Variants in HVCN1 observed in about 807,000 individuals in gnomAD.
The protein encoded by HVCN1 is hydrogen voltage gated channel 1.
In HVCN1, 14 loss-of-function variants were observed where a neutral mutation model predicts 29.2. The ratio of observed to expected loss-of-function variants is 0.48; its 90% CI spans 0.32 to 0.75. The LOEUF is 0.75. Ranked by LOEUF, HVCN1 falls within the 30% of genes least tolerant of loss-of-function variation. The pLI is 0.04. For missense variants in HVCN1, 263 were observed against 341.8 expected (o/e 0.77, Z 1.82); for synonymous variants, 131 against 133.2 (o/e 0.98, Z 0.11).
At chr12:110,682,500 A>C (rs1387202679) in intron 3 of HVCN1, among the ~76,000 whole-genome samples, 1 of 152,146 alleles carries the variant, frequency 6.6e-6, no homozygotes, top group Non-Finnish European at 1.5e-5. Context: ...CACCTGGCCT[A>C]AAATCCCATT....
At chr12:110,659,202 A>C (rs1376232941) in intron 4 of HVCN1, among the ~76,000 whole-genome samples, 1 of 150,656 alleles carries the variant, frequency 6.6e-6, no homozygotes, top group Non-Finnish European at 1.5e-5. Context: ...GACCAAAATA[A>C]TTTTTTTTTT....
Position 110,658,562 on chromosome 12 carries a change from C to T in HVCN1, c.306+2602G>A, listed in dbSNP as rs2136283133. On this transcript the variant is annotated intron_variant, in intron 4 of 7. Coordinates refer to ENST00000242607, the MANE Select transcript of HVCN1 (RefSeq NM_032369.4). This position sits in a 1 kb window ranked among gnomAD's most constrained non-coding sequence, Gnocchi z 5.0. ...GAAGCCCCTCTACCTGGAAGCCTCC[C>T]ACGCCATCCACCCATCGGGCTCACT... 6.6e-6 allele frequency among the ~76,000 whole-genome samples: 1 copy of T among 152,284 alleles called. No individual in the cohort carries two copies. Among genetic ancestry groups the T allele is most frequent in the East Asian group, 1.9e-4 (1 of 5,184 alleles).
At chr12:110,696,671 A>G (rs1471154584) in intron 2 of HVCN1, among the ~76,000 whole-genome samples, 2 of 152,144 alleles carry the variant, frequency 1.3e-5, no homozygotes, top group Admixed American at 6.5e-5. Flanking sequence ...TTTAAATGGA[A>G]TATCATCATA....
chr12:110,675,122 T>C (rs1027766620), intron 3 of HVCN1, among the ~76,000 whole-genome samples: 1 of 152,266 alleles, frequency 6.6e-6, no homozygotes, highest in African/African-American at 2.4e-5. Flanking sequence ...GTTTGCTGTT[T>C]TAATTTATTA....
chr12:110,683,191 T>G, intron 3 of HVCN1, 34 bp downstream of exon 3: 2 of 1,613,924 alleles, frequency 1.2e-6, no homozygotes, highest in East Asian at 4.5e-5. Context: ...GGCTGGGATA[T>G]CCTCTAATGC....
rs1276846420 is a variant in HVCN1, at chr12:110,658,537, G to A, written c.306+2627C>T. Among the ~76,000 whole-genome samples the A allele has an allele frequency of 2.0e-5, 3 of 152,062 alleles. No homozygotes were observed. Among genetic ancestry groups the A allele is most frequent in the African/African-American group, 4.8e-5 (2 of 41,390 alleles). On this transcript the variant is annotated intron_variant, in intron 4 of 7. Transcript: ENST00000242607. The surrounding 1 kb of genome is among the most constrained non-coding windows in gnomAD (Gnocchi z 5.0). ...CCAATGCTGCAGGTCCTTGGCAAAC[G>A]AAGCCCCTCTACCTGGAAGCCTCCC...
Position 110,649,309 on chromosome 12 carries a change from C to T in HVCN1, c.*101G>A. The T allele has an allele frequency of 2.2e-6, 2 of 927,016 alleles. No individual in the cohort carries two copies. The highest frequency in any genetic ancestry group is 3.5e-6 in the Non-Finnish European group (2 of 576,710). 57.4% of individuals were successfully genotyped at this position (927,016 alleles called of 1,614,324 possible). A position where few individuals can be genotyped will look rare whatever the true frequency, so the allele number is the denominator to read the frequency against. ...GCAGGAGGGAGGCAGAGGTATCAAA[C>T]CAAACCTCTCACCAAGCGGCCCAGG... On this transcript the variant is annotated 3_prime_UTR_variant, in exon 8 of 8. Coordinates refer to ENST00000242607, the MANE Select transcript of HVCN1 (RefSeq NM_032369.4).
chr12:110,666,194 G>A lies in HVCN1; in HGVS notation c.22-4746C>T, dbSNP rs112276946. Among the ~76,000 whole-genome samples the A allele has an allele frequency of 3.2e-3, 489 of 152,070 alleles. 2 individuals are homozygous for A. Among genetic ancestry groups the A allele is most frequent in the African/African-American group, 0.011 (454 of 41,492 alleles). The stretch of plus-strand genomic sequence containing the variant: ...AGCACTTTGGGAGGCTGAGGCGGGC[G>A]GATCACAAGGTCAGGAGATTGAGAC... On this transcript the variant is annotated intron_variant, in intron 3 of 7. Transcript: ENST00000242607.
At chr12:110,655,368 A>C in intron 4 of HVCN1, 30 bp from the exon 5 acceptor site, 4 of 1,546,140 alleles carry the variant, frequency 2.6e-6, no homozygotes, top group Non-Finnish European at 3.6e-6. Flanking sequence ...GCCAGAGATC[A>C]TGAGACCCCC....
At chr12:110,681,926 A>C (rs987205155) in intron 3 of HVCN1, among the ~76,000 whole-genome samples, 1 of 152,240 alleles carries the variant, frequency 6.6e-6, no homozygotes, top group East Asian at 1.9e-4. Context: ...TTCCTACTCG[A>C]GATGGCCATA....
intron 6 of HVCN1, 94 bp downstream of exon 6, chr12:110,651,123 A>C (rs765902906): frequency 1.3e-5 from 11 of 865,576 alleles, no homozygotes; most frequent in Non-Finnish European, 2.1e-5. Flanking sequence ...AGCCACTGTG[A>C]GCTCAGGCAC....
chr12:110,703,517 G>A (rs981470521), intron 1 of HVCN1, among the ~76,000 whole-genome samples: 9 of 152,292 alleles, frequency 5.9e-5, no homozygotes, highest in Admixed American at 3.9e-4. Flanking sequence ...GGCGAGTGCC[G>A]TGGAGATGAA....
chr12:110,651,474 A>AG (rs748391921), intron 5 of HVCN1, 26 bp from the exon 6 acceptor site: 1 of 1,529,254 alleles, frequency 6.5e-7, no homozygotes, highest in South Asian at 1.1e-5. Flanking sequence ...AACCACAGTC[A>AG]GGGGAGATTG....
Position 110,650,224 on chromosome 12 carries a change from T to C in HVCN1, c.700A>G (p.Met234Val), listed in dbSNP as rs1242023221. Residue 234 changes from methionine to valine, a missense_variant, in exon 7 of 8, where the codon ATG (methionine) becomes GTG (valine). Met to Val is a conservative substitution (Grantham distance 21). This residue lies in a region of HVCN1 where 51 missense variants were observed against 51.1 expected (regional missense o/e 1.00). Transcript: ENST00000242607. ...ATCTTGGCGGCCAATTGTACATTCA[T>C]CTGTTTTAACCTTAAGAGTTGCCGT... The part of the protein sequence containing the change: ...SERQLLRLKQ[M>V]NVQLAAKIQH... The C allele has an allele frequency of 6.2e-7, 1 of 1,613,754 alleles. No individual in the cohort carries two copies. The highest frequency in any genetic ancestry group is 8.5e-7 in the Non-Finnish European group (1 of 1,179,678).
At chr12:110,677,582 A>T (rs1330433400) in intron 3 of HVCN1, among the ~76,000 whole-genome samples, 1 of 152,048 alleles carries the variant, frequency 6.6e-6, no homozygotes, top group African/African-American at 2.4e-5. Context: ...GAAACCCCTG[A>T]GCAAATCTCT....
intron 4 of HVCN1, among the ~76,000 whole-genome samples, chr12:110,660,545 CTTTA>C (rs779298873): frequency 6.6e-5 from 10 of 152,302 alleles, no homozygotes; most frequent in Admixed American, 5.9e-4. Flanking sequence ...GTTATTTACC[CTTTA>C]TTTATTTTTT....
chr12:110,684,549 C>T (rs76034624), intron 2 of HVCN1, among the ~76,000 whole-genome samples: 4,684 of 152,186 alleles, frequency 0.031, 244 homozygotes, highest in African/African-American at 0.11. Context: ...AGTCACATTA[C>T]GGCAGAGTCT....
intron 2 of HVCN1, among the ~76,000 whole-genome samples, chr12:110,685,437 ATG>A (rs1051404109): frequency 3.8e-4 from 58 of 152,274 alleles, no homozygotes; most frequent in African/African-American, 1.3e-3. Context: ...AGCATAATAA[ATG>A]TGTGTTATCT....
chr12:110,673,597 C>A (rs538114591), intron 3 of HVCN1, among the ~76,000 whole-genome samples: 48 of 152,222 alleles, frequency 3.2e-4, no homozygotes, highest in Non-Finnish European at 6.5e-4. Flanking sequence ...CCCAGAGGCC[C>A]AGGAGGAAAA....
Sources: allele counts gnomAD v4.1 joint callset (sites outside exome capture counted in the v4.1 genomes callset), GRCh38; gene constraint gnomAD v4.1.1; regional missense constraint gnomAD v4.1.1; non-coding constraint Gnocchi (gnomAD v3.1); transcripts MANE v1.5; gene names NCBI Gene and HGNC (gene_info 2026-07-23, HGNC 2026-07-21).